The following PLXDC2 variants were observed in gnomAD, a reference collection of about 807,000 sequenced individuals.
PLXDC2 encodes plexin domain containing 2.
PLXDC2 carries 40 observed loss-of-function variants against 68.9 expected under a neutral mutation model. The observed-to-expected ratio is 0.58, with a 90% CI of 0.45 to 0.76. PLXDC2 has a LOEUF of 0.76. Among genes scored for constraint, PLXDC2 ranks in the 30% least tolerant of loss-of-function variants. The pLI is 0.00. For synonymous variants in PLXDC2, 243 were observed against 234.2 expected, an observed-to-expected ratio of 1.04 and a Z score of -0.34; for missense variants, 644 against 661.9, an observed-to-expected ratio of 0.97 and a Z score of 0.30.
chr10:20,077,946 TTTC>T (rs1227788858), intron 4 of PLXDC2, among the ~76,000 whole-genome samples: 1 of 152,174 alleles, frequency 6.6e-6, no homozygotes, highest in Admixed American at 6.5e-5. Context: ...TCCCCTTCTT[TTTC>T]TTCTTCTTTG....
intron 1 of PLXDC2, among the ~76,000 whole-genome samples, chr10:19,824,325 T>C (rs1836533201): frequency 6.6e-6 from 1 of 152,234 alleles, no homozygotes; most frequent in South Asian, 2.1e-4. Flanking sequence ...CCTACATTTG[T>C]GTGCTAGCTT....
chr10:20,198,908 T>C (rs1049878358), intron 9 of PLXDC2, among the ~76,000 whole-genome samples: 1 of 152,068 alleles, frequency 6.6e-6, no homozygotes, highest in Non-Finnish European at 1.5e-5. Context: ...ACAATGTTGA[T>C]TGGAAGCGGT....
In PLXDC2 at chr10:20,036,660, T is replaced by C. The variant is rs367754880; in HGVS notation, c.325-10209T>C. Among the ~76,000 whole-genome samples the C allele has an allele frequency of 7.2e-5, 11 of 152,212 alleles. No individual in the cohort carries two copies. In the East Asian group the frequency reaches 1.9e-3, roughly 27 times the overall value. ...TCCAGTGGATTGGAAAATCACAGTA[T>C]CAAGAATTACAGAAATAATCAGTGG... On this transcript the variant is annotated intron_variant, in intron 2 of 13. Coordinates refer to ENST00000377252, the MANE Select transcript of PLXDC2 (RefSeq NM_032812.9).
intron 13 of PLXDC2, among the ~76,000 whole-genome samples, chr10:20,279,017 T>C (rs1309014609): frequency 6.6e-6 from 1 of 152,218 alleles, no homozygotes; most frequent in Non-Finnish European, 1.5e-5. Context: ...ACAAATAACC[T>C]GTATTTTAGG....
At chr10:20,205,974 A>G (rs916851205) in intron 9 of PLXDC2, among the ~76,000 whole-genome samples, 3 of 152,168 alleles carry the variant, frequency 2.0e-5, no homozygotes, top group East Asian at 3.9e-4. Flanking sequence ...TAATGACTAT[A>G]TTGTATATAT....
At chr10:19,839,837 A>AT (rs1200604038) in intron 1 of PLXDC2, among the ~76,000 whole-genome samples, 1 of 152,184 alleles carries the variant, frequency 6.6e-6, no homozygotes, top group East Asian at 1.9e-4. Context: ...TTAAGGTTAC[A>AT]TATGTATTAA....
intron 4 of PLXDC2, among the ~76,000 whole-genome samples, chr10:20,117,614 A>T (rs1414616273): frequency 6.6e-6 from 1 of 152,170 alleles, no homozygotes; most frequent in Admixed American, 6.6e-5. Flanking sequence ...AAAAAATCCC[A>T]TATATTTATG....
At chr10:19,891,718 T>A (rs1274785950) in intron 1 of PLXDC2, among the ~76,000 whole-genome samples, 4 of 152,338 alleles carry the variant, frequency 2.6e-5, no homozygotes, top group Admixed American at 2.6e-4. Flanking sequence ...AAACTTCTCT[T>A]TCGCTTGTAG....
chr10:20,012,174 TG>T (rs1835125494), intron 2 of PLXDC2, among the ~76,000 whole-genome samples: 1 of 152,148 alleles, frequency 6.6e-6, no homozygotes, highest in Non-Finnish European at 1.5e-5. Context: ...TATGAAAAGT[TG>T]TGTTTCTATT....
In PLXDC2 at chr10:20,087,163, G is replaced by T. The variant is rs558842906; in HGVS notation, c.541+18924G>T. Among the ~76,000 whole-genome samples, 7 of 152,294 alleles carry T rather than the reference G, an allele frequency of 4.6e-5. No homozygotes were observed. The South Asian group carries it at 1.4e-3, about 32-fold the overall frequency. ...TGCATGGCCTGTCTTTCCTACAGGAGTCAAAACTGCTTTGCTTTGTAGCAA... is the reference window on the plus strand; with the variant it reads ...TGCATGGCCTGTCTTTCCTACAGGATTCAAAACTGCTTTGCTTTGTAGCAA... On this transcript the variant is annotated intron_variant, in intron 4 of 13. Transcript: ENST00000377252.
At position 19,892,512 on chromosome 10, in the gene PLXDC2, C is replaced by T. The variant is rs16919523; in HGVS notation, c.112+75321C>T. 8.2e-3 allele frequency among the ~76,000 whole-genome samples: 1,251 copies of T among 152,270 alleles called. 17 individuals are homozygous for T. Among genetic ancestry groups the T allele is most frequent in the African/African-American group, 0.029 (1,187 of 41,556 alleles). On this transcript the variant is annotated intron_variant, in intron 1 of 13. Coordinates refer to ENST00000377252, the MANE Select transcript of PLXDC2 (RefSeq NM_032812.9). ...CAGGAAGACTTCAGATGTAAAGTTA[C>T]GACTAGGACTCCAGCTGAAATTGCT...
chr10:19,918,178 C>T (rs1204550524), intron 1 of PLXDC2, among the ~76,000 whole-genome samples: 1 of 152,230 alleles, frequency 6.6e-6, no homozygotes, highest in East Asian at 1.9e-4. Flanking sequence ...AGATGAGTTA[C>T]CCCAGGCATG....
chr10:20,014,124 A>G (rs1023834930), intron 2 of PLXDC2, among the ~76,000 whole-genome samples: 4 of 152,224 alleles, frequency 2.6e-5, no homozygotes, highest in African/African-American at 9.6e-5. Flanking sequence ...AATGTTTTCT[A>G]TCATGTGCAT....
intron 2 of PLXDC2, among the ~76,000 whole-genome samples, chr10:20,015,438 A>C (rs1835194774): frequency 6.6e-6 from 1 of 152,068 alleles, no homozygotes; most frequent in African/African-American, 2.4e-5. Flanking sequence ...ATTTCAAAGG[A>C]TTTTAAAAAT....
intron 1 of PLXDC2, among the ~76,000 whole-genome samples, chr10:19,954,399 C>T (rs183260243): frequency 2.8e-4 from 43 of 152,286 alleles, no homozygotes; most frequent in African/African-American, 1.0e-3. Flanking sequence ...CAGGAGTAAG[C>T]ATCTAACATC....
chr10:19,822,408 T>C (rs1263548920), intron 1 of PLXDC2, among the ~76,000 whole-genome samples: 1 of 152,054 alleles, frequency 6.6e-6, no homozygotes, highest in Non-Finnish European at 1.5e-5. Flanking sequence ...ATATCTTGGC[T>C]ATTGTGAATA....
intron 1 of PLXDC2, among the ~76,000 whole-genome samples, chr10:19,971,199 T>TG (rs1319802771): frequency 7.9e-5 from 12 of 152,242 alleles, no homozygotes; most frequent in African/African-American, 2.4e-4. Context: ...TTTTGTTGCT[T>TG]ACCTTTTAGT....
chr10:20,197,632 AG>A (rs1304687854), intron 9 of PLXDC2, among the ~76,000 whole-genome samples: 2 of 152,052 alleles, frequency 1.3e-5, no homozygotes, highest in East Asian at 3.9e-4. Context: ...CTGGGATTAG[AG>A]GCATAAGCCT....
intron 3 of PLXDC2, among the ~76,000 whole-genome samples, chr10:20,047,521 T>C (rs113084428): frequency 0.018 from 2,695 of 152,212 alleles, 76 homozygotes; most frequent in African/African-American, 0.061. Flanking sequence ...TAATAAAATA[T>C]AGAAAGCATC....
Sources: gnomAD v4.1 joint callset for allele counts (sites outside exome capture counted in the v4.1 genomes callset) on GRCh38, gnomAD v4.1.1 for gene constraint, MANE v1.5 for transcripts, NCBI Gene and HGNC (gene_info 2026-07-23, HGNC 2026-07-21) for gene names.